Variants in RNF111 observed in about 807,000 individuals in gnomAD.
The protein encoded by RNF111 is ring finger protein 111.
A neutral mutation model predicts 95.1 loss-of-function variants in RNF111; 17 were observed. The ratio of observed to expected loss-of-function variants is 0.18; its 90% CI spans 0.12 to 0.27. RNF111 has a LOEUF of 0.27. RNF111 is among the 10% of genes least tolerant of loss of function. The pLI is 1.00. For missense variants in RNF111, 1,189 were observed against 1,210.4 expected, an observed-to-expected ratio of 0.98 and a Z score of 0.26; for synonymous variants, 440 against 414.8, an observed-to-expected ratio of 1.06 and a Z score of -0.74.
rs201034758 is a variant in RNF111, at chr15:59,055,746, C to A, written c.1072C>A (p.Arg358=). The A allele has an allele frequency of 6.9e-5, 112 of 1,613,820 alleles. No individual in the cohort carries two copies. The highest frequency in any genetic ancestry group is 3.5e-4 in the Admixed American group (21 of 59,990). The change falls in exon 4 of 14, where the codon CGG becomes AGG. Residue 358 remains arginine, a synonymous_variant. Transcript: ENST00000348370. ...CCAGGGTTCCAGTTCTCATGCAAGT[C>A]GGCCACAGGAGCCACGGAACCGCAG... ...WSQGSSSHAS[R]PQEPRNRSRI...
intron 1 of RNF111, among the ~76,000 whole-genome samples, chr15:59,011,520 TACTC>T (rs1567209073): frequency 6.6e-6 from 1 of 152,212 alleles, no homozygotes; most frequent in Non-Finnish European, 1.5e-5. Flanking sequence ...AAACTTTACT[TACTC>T]CTAGTTCTGT....
In RNF111 at chr15:59,036,220, G is replaced by C. The variant is rs566882392; in HGVS notation, c.880+4518G>C. ...TGACAGGCCTGCACCACCACGCCCA[G>C]CTAATCTTTATATTTTTATTAGAGA... On this transcript the variant is annotated intron_variant, in intron 2 of 13. Transcript: ENST00000348370. 2.4e-4 allele frequency among the ~76,000 whole-genome samples: 36 copies of C among 152,188 alleles called. No homozygotes were observed. In the South Asian group the frequency reaches 5.0e-3, roughly 21 times the overall value.
intron 1 of RNF111, among the ~76,000 whole-genome samples, chr15:59,013,425 G>T (rs1354671956): frequency 6.6e-6 from 1 of 152,100 alleles, no homozygotes; most frequent in African/African-American, 2.4e-5. Flanking sequence ...AGTTTTGTGG[G>T]TTACCTGTCA....
chr15:59,055,572 A>G, intron 3 of RNF111, 110 bp from the exon 4 acceptor site: 1 of 819,314 alleles, frequency 1.2e-6, no homozygotes, highest in South Asian at 2.7e-5. Flanking sequence ...ATTTCTTTGG[A>G]GAAATCTTGT....
At chr15:59,038,152 A>G (rs1209587205) in intron 2 of RNF111, among the ~76,000 whole-genome samples, 3 of 152,144 alleles carry the variant, frequency 2.0e-5, no homozygotes, top group African/African-American at 7.2e-5. Context: ...AATTGCTAGA[A>G]CCATTTTTTA....
chr15:59,053,624 C>A (rs577088704), intron 3 of RNF111, among the ~76,000 whole-genome samples: 1 of 152,182 alleles, frequency 6.6e-6, no homozygotes, highest in Non-Finnish European at 1.5e-5. Flanking sequence ...TTCCCCAACT[C>A]TGAGTAAAAC....
intron 9 of RNF111, 132 bp downstream of exon 9, chr15:59,084,386 C>G (rs1268048864): frequency 1.1e-5 from 10 of 893,346 alleles, no homozygotes; most frequent in African/African-American, 6.9e-5. Context: ...AACTGAGACA[C>G]TGCCTCTGGG....
Position 59,055,731 on chromosome 15 carries a change from AGTT to A in RNF111, c.1058_1060del (p.Ser353_Ser354delinsThr), listed in dbSNP as rs1566916443. ...CAGATCTCATTGGAGCCAGGGTTCC[AGTT>A]CTCATGCAAGTCGGCCACAGGAGCC... On this transcript the variant is annotated inframe_deletion, in exon 4 of 14. Coordinates refer to ENST00000348370, the MANE Select transcript of RNF111 (RefSeq NM_017610.8). 9.3e-6 allele frequency: 15 copies of A among 1,613,820 alleles called. No homozygotes were observed. In the Admixed American group the frequency reaches 1.2e-4, roughly 13 times the overall value.
chr15:59,082,104 T>C (rs2078762502), intron 8 of RNF111, among the ~76,000 whole-genome samples: 1 of 152,220 alleles, frequency 6.6e-6, no homozygotes, highest in African/African-American at 2.4e-5. Flanking sequence ...AAAGTAACTA[T>C]ACTAAATCCT....
chr15:59,073,570 T>C (rs574013274), intron 6 of RNF111, among the ~76,000 whole-genome samples: 1 of 152,312 alleles, frequency 6.6e-6, no homozygotes, highest in Admixed American at 6.5e-5. Flanking sequence ...GGCAATTCAA[T>C]CACATCTTCA....
chr15:59,014,757 A>C (rs1181355978), intron 1 of RNF111, among the ~76,000 whole-genome samples: 1 of 148,594 alleles, frequency 6.7e-6, no homozygotes, highest in East Asian at 2.0e-4. Context: ...GGAATTGCAG[A>C]CTTTTTTTTT....
chr15:59,082,271 A>T (rs550958810), intron 8 of RNF111, among the ~76,000 whole-genome samples: 25 of 152,192 alleles, frequency 1.6e-4, no homozygotes, highest in Middle Eastern at 3.4e-3. Flanking sequence ...CAAACCAATT[A>T]AAAAAAAGTA....
At chr15:59,017,226 G>C (rs1056832312) in intron 1 of RNF111, among the ~76,000 whole-genome samples, 3 of 150,568 alleles carry the variant, frequency 2.0e-5, no homozygotes, top group Non-Finnish European at 4.4e-5. Context: ...AACCGCTGCT[G>C]TGTAGGCCAC....
chr15:58,991,888 A>G (rs1324146124), intron 1 of RNF111, among the ~76,000 whole-genome samples: 2 of 152,218 alleles, frequency 1.3e-5, no homozygotes, highest in African/African-American at 4.8e-5. Context: ...CATTGGGGGA[A>G]ATCTGAATAT....
chr15:59,014,045 C>T (rs1020079804), intron 1 of RNF111, among the ~76,000 whole-genome samples: 2 of 152,158 alleles, frequency 1.3e-5, no homozygotes, highest in African/African-American at 4.8e-5. Context: ...CCTTCCATGG[C>T]CTCCCAACAT....
chr15:58,995,764 CTTT>C (rs34209382), intron 1 of RNF111, among the ~76,000 whole-genome samples: 2 of 99,530 alleles, frequency 2.0e-5, no homozygotes, highest in African/African-American at 4.0e-5. Flanking sequence ...GTGCCCCGGC[CTTT>C]TTTTTTTTTT....
chr15:59,031,560 A>C lies in RNF111; in HGVS notation c.738A>C (p.Lys246Asn). ...RKKREVLARR[K>N]YALLPSSSSS... ...AACGAGAAGTGTTAGCTCGAAGAAAATATGCCTTGCTACCTAGTTCTAGTA... is the reference window on the plus strand; with the variant it reads ...AACGAGAAGTGTTAGCTCGAAGAAACTATGCCTTGCTACCTAGTTCTAGTA... Residue 246 changes from lysine (K) to asparagine (N), a missense_variant, in exon 2 of 14, where the codon AAA becomes AAC. Lys to Asn is a moderately conservative substitution (Grantham distance 94). This residue lies in a region of RNF111 where 1,024 missense variants were observed against 925.9 expected (regional missense o/e 1.11). Transcript: ENST00000348370. The C allele has an allele frequency of 1.2e-6, 2 of 1,614,228 alleles. No individual in the cohort carries two copies. Among genetic ancestry groups the C allele is most frequent in the Non-Finnish European group, 1.7e-6 (2 of 1,180,036 alleles).
At chr15:59,030,482 G>T (rs1296975631) in intron 1 of RNF111, among the ~76,000 whole-genome samples, 2 of 152,140 alleles carry the variant, frequency 1.3e-5, no homozygotes, top group African/African-American at 4.8e-5. Context: ...TGAAGTAATT[G>T]TTTGATTTGA....
At chr15:59,051,475 A>T (rs1314300747) in intron 2 of RNF111, among the ~76,000 whole-genome samples, 3 of 143,960 alleles carry the variant, frequency 2.1e-5, no homozygotes, top group Non-Finnish European at 4.6e-5. Flanking sequence ...AAAAGGAAAA[A>T]AAAAAAAAGA....
Sources: allele counts gnomAD v4.1 joint callset (sites outside exome capture counted in the v4.1 genomes callset), GRCh38; gene constraint gnomAD v4.1.1; regional missense constraint gnomAD v4.1.1; transcripts MANE v1.5; gene names NCBI Gene and HGNC (gene_info 2026-07-23, HGNC 2026-07-21).